Variants in MAOB observed in about 807,000 individuals in gnomAD.
MAOB encodes amine oxidase [flavin-containing] B.
In MAOB, 15 loss-of-function variants were observed where a neutral mutation model predicts 41.9. The ratio of observed to expected loss-of-function variants is 0.36; its 90% confidence interval spans 0.24 to 0.55. The LOEUF is 0.55. MAOB is among the 20% of genes least tolerant of loss of function. The pLI, the probability that MAOB is intolerant of heterozygous loss-of-function variation, is 0.86. For synonymous variants in MAOB, 167 were observed against 144.2 expected (o/e 1.16, Z -1.13); for missense variants, 345 against 398.7 (o/e 0.87, Z 1.15).
chrX:43,874,324 C>T (rs532758689), intron 1 of MAOB, among the ~76,000 whole-genome samples: 4 of 111,103 alleles, frequency 3.6e-5, no homozygotes, highest in African/African-American at 9.8e-5. Flanking sequence ...CAACTTTGGA[C>T]ACCTCCTTCT....
intron 8 of MAOB, 85 bp from the exon 9 acceptor site, chrX:43,781,629 C>T (rs2034334089): frequency 2.1e-6 from 1 of 485,436 alleles, no homozygotes; most frequent in Non-Finnish European, 3.3e-6. Flanking sequence ...TGTTTTTAAA[C>T]TTGAGAAGCC....
At position 43,793,489 on chromosome X, in the gene MAOB, G is replaced by A. The variant is rs779701486; in HGVS notation, c.858C>T (p.Ile286=). ...TGACTGAACCCAAAGGCACACGAGT[G>A]ATCATCTGGTTTCTCATCATTGGCA... ...PPLPMMRNQM[I]TRVPLGSVIK... The change falls in exon 8 of 15, where the codon ATC becomes ATT. Residue 286 remains isoleucine (I), a synonymous_variant. Coordinates refer to ENST00000378069, the MANE Select transcript of MAOB (RefSeq NM_000898.5). 1.7e-6 allele frequency: 2 copies of A among 1,201,939 alleles called. No homozygotes were observed. Among genetic ancestry groups the A allele is most frequent in the Non-Finnish European group, 2.3e-6 (2 of 887,169 alleles).
intron 3 of MAOB, among the ~76,000 whole-genome samples, chrX:43,810,138 G>C (rs1162235043): frequency 1.0e-5 from 1 of 99,890 alleles, no homozygotes; most frequent in Non-Finnish European, 2.0e-5. Flanking sequence ...AGCTACTCGG[G>C]AGGCTGAGGC....
intron 1 of MAOB, chrX:43,850,628 C>T: frequency 4.7e-6 from 1 of 212,098 alleles, no homozygotes; most frequent in Non-Finnish European, 6.9e-6. Flanking sequence ...TGTCTTGTCC[C>T]ACAAAATGAA....
chrX:43,768,418 C>A (rs190613123), intron 14 of MAOB, among the ~76,000 whole-genome samples: 1 of 110,726 alleles, frequency 9.0e-6, no homozygotes, highest in African/African-American at 3.3e-5. Flanking sequence ...CCCTCCTCAT[C>A]AAAAAATATT....
intron 1 of MAOB, among the ~76,000 whole-genome samples, chrX:43,868,518 T>C: frequency 9.0e-6 from 1 of 111,622 alleles, no homozygotes; most frequent in East Asian, 2.8e-4. Flanking sequence ...ATTTTGGATG[T>C]TCTGCCTTTT....
intron 9 of MAOB, 152 bp downstream of exon 9, chrX:43,781,296 A>T: frequency 3.1e-6 from 1 of 319,713 alleles, no homozygotes; most frequent in East Asian, 4.6e-5. Context: ...TTAGAAAAGA[A>T]CCAGTAATAA....
intron 8 of MAOB, among the ~76,000 whole-genome samples, chrX:43,789,351 A>G (rs73472063): frequency 8.9e-6 from 1 of 112,577 alleles, no homozygotes; most frequent in African/African-American, 3.2e-5. Flanking sequence ...ACAATAGAAG[A>G]GAAACATTTT....
intron 2 of MAOB, among the ~76,000 whole-genome samples, chrX:43,839,773 A>G (rs1055547068): frequency 8.9e-6 from 1 of 112,298 alleles, no homozygotes; most frequent in African/African-American, 3.2e-5. Context: ...ATTTTCTCAA[A>G]TAAATGAAAG....
intron 3 of MAOB, among the ~76,000 whole-genome samples, chrX:43,831,905 A>G (rs2035023385): frequency 8.9e-6 from 1 of 111,757 alleles, no homozygotes; most frequent in Non-Finnish European, 1.9e-5. Flanking sequence ...CCTTCTCTAC[A>G]TTCTGATTTT....
At chrX:43,780,111 C>CT (rs1265984056) in intron 10 of MAOB, among the ~76,000 whole-genome samples, 2 of 111,556 alleles carry the variant, frequency 1.8e-5, no homozygotes, top group East Asian at 5.6e-4. Context: ...TACTTTGGTT[C>CT]TTAAGTTATC....
At chrX:43,807,585 G>A (rs2034683517) in intron 3 of MAOB, among the ~76,000 whole-genome samples, 1 of 112,569 alleles carries the variant, frequency 8.9e-6, no homozygotes, top group South Asian at 3.7e-4. Flanking sequence ...CTCACTAGCT[G>A]TGTTAAGTTG....
At chrX:43,781,007 G>A (rs1337573663) in intron 9 of MAOB, among the ~76,000 whole-genome samples, 2 of 111,022 alleles carry the variant, frequency 1.8e-5, no homozygotes, top group Non-Finnish European at 3.8e-5. Flanking sequence ...GGTCGTCCCT[G>A]GAAAGCTGAA....
At chrX:43,825,939 T>C (rs1417158705) in intron 3 of MAOB, among the ~76,000 whole-genome samples, 1 of 112,420 alleles carries the variant, frequency 8.9e-6, no homozygotes, top group African/African-American at 3.2e-5. Context: ...TTATAGCCTT[T>C]TTTATTCTGC....
intron 12 of MAOB, among the ~76,000 whole-genome samples, chrX:43,772,478 T>C (rs770184405): frequency 4.7e-4 from 53 of 111,661 alleles, no homozygotes; most frequent in South Asian, 2.3e-3. Flanking sequence ...TGGTCAGAAA[T>C]CTAATCATAT....
chrX:43,794,417 G>A (rs1406091475), intron 7 of MAOB, among the ~76,000 whole-genome samples: 1 of 110,115 alleles, frequency 9.1e-6, no homozygotes, highest in African/African-American at 3.3e-5. Flanking sequence ...CTTCCTGCTT[G>A]ATTTTTTCCG....
At chrX:43,814,100 C>T (rs2034780130) in intron 3 of MAOB, among the ~76,000 whole-genome samples, 1 of 110,483 alleles carries the variant, frequency 9.1e-6, no homozygotes, top group South Asian at 4.0e-4. Flanking sequence ...CAGGCAGAGG[C>T]CCTAGTGTCT....
chrX:43,877,860 A>C (rs750536698), intron 1 of MAOB, among the ~76,000 whole-genome samples: 1 of 112,662 alleles, frequency 8.9e-6, no homozygotes, highest in East Asian at 2.8e-4. Flanking sequence ...CCTGATGCCC[A>C]CATGTATACA....
intron 1 of MAOB, among the ~76,000 whole-genome samples, chrX:43,846,187 A>T (rs1213019158): frequency 8.9e-6 from 1 of 112,687 alleles, no homozygotes; most frequent in Non-Finnish European, 1.9e-5. Context: ...AGCTATTATC[A>T]CTGAATTTAG....
Sources: gnomAD v4.1 joint callset for allele counts (sites outside exome capture counted in the v4.1 genomes callset) on GRCh38, gnomAD v4.1.1 for gene constraint, MANE v1.5 for transcripts, NCBI Gene and HGNC (gene_info 2026-07-23, HGNC 2026-07-21) for gene names.